The following MBP variants were observed in gnomAD, a reference collection of about 807,000 sequenced individuals.
MBP encodes the protein myelin basic protein.
Under a neutral mutation model 35.8 loss-of-function variants are expected in MBP, and 16 were observed. The ratio of observed to expected loss-of-function variants is 0.45; its 90% CI spans 0.30 to 0.68. The LOEUF (loss-of-function observed/expected upper bound fraction) is 0.68. MBP is among the 30% of genes least tolerant of loss of function. MBP has a pLI of 0.08. For synonymous variants in MBP, 143 were observed against 159.6 expected, an observed-to-expected ratio of 0.90 and a Z score of 0.78; for missense variants, 380 against 404.7, an observed-to-expected ratio of 0.94 and a Z score of 0.52.
intron 2 of MBP, among the ~76,000 whole-genome samples, chr18:77,076,579 G>A (rs1445525981): frequency 6.6e-6 from 1 of 152,226 alleles, no homozygotes; most frequent in Non-Finnish European, 1.5e-5. Flanking sequence ...TCAGTGCTGA[G>A]GTTTGGAATC....
At chr18:77,033,757 CCCATCCATCCATCCATCCAT>C (rs145059208) in intron 3 of MBP, among the ~76,000 whole-genome samples, 1 of 120,482 alleles carries the variant, frequency 8.3e-6, no homozygotes, top group African/African-American at 3.7e-5. Flanking sequence ...CATCAATCCA[CCCATCCATCCATCCATCCAT>C]CCATCCATCC....
chr18:77,054,425 A>G (rs929596745), intron 3 of MBP, among the ~76,000 whole-genome samples: 8 of 152,190 alleles, frequency 5.3e-5, no homozygotes, highest in Non-Finnish European at 8.8e-5. Context: ...GAGGGGCCGC[A>G]GGAGATGTGG....
chr18:77,119,151 G>T (rs1976808373), intron 1 of MBP, among the ~76,000 whole-genome samples: 1 of 152,186 alleles, frequency 6.6e-6, no homozygotes, highest in South Asian at 2.1e-4. Context: ...TGTAGTGGAG[G>T]TGTCACTTGC....
chr18:77,028,791 G>A (rs1327190190), intron 3 of MBP, among the ~76,000 whole-genome samples: 1 of 94,180 alleles, frequency 1.1e-5, no homozygotes, highest in African/African-American at 3.0e-5. Flanking sequence ...GCTGCTGGGC[G>A]GAGGGACTCC....
intron 2 of MBP, among the ~76,000 whole-genome samples, chr18:77,099,314 C>G (rs1975903325): frequency 6.6e-6 from 1 of 152,316 alleles, no homozygotes; most frequent in East Asian, 1.9e-4. Flanking sequence ...GTCCCAGCCA[C>G]GTGTGGCCAC....
At chr18:77,104,298 T>C (rs931571466) in intron 2 of MBP, among the ~76,000 whole-genome samples, 3 of 152,202 alleles carry the variant, frequency 2.0e-5, no homozygotes, top group Non-Finnish European at 2.9e-5. Flanking sequence ...CACGTCTGCA[T>C]TGGGATCTAA....
At chr18:77,007,648 A>C (rs35192115) in intron 4 of MBP, among the ~76,000 whole-genome samples, 39,891 of 152,018 alleles carry the variant, frequency 0.26, 6,155 homozygotes, top group Middle Eastern at 0.37. Flanking sequence ...CCCCACACAA[A>C]CACACACGCA....
intron 7 of MBP, chr18:76,986,341 T>C (rs1328907333): frequency 2.0e-6 from 2 of 985,430 alleles, no homozygotes; most frequent in Non-Finnish European, 2.4e-6. Context: ...TAAAGTGTTT[T>C]AGGACAGGGA....
chr18:77,080,342 C>A (rs190524768), intron 2 of MBP, among the ~76,000 whole-genome samples: 1 of 152,252 alleles, frequency 6.6e-6, no homozygotes, highest in Admixed American at 6.5e-5. Context: ...AGGATGCGGA[C>A]GGTAAGGCTT....
chr18:77,017,890 A>G (rs1454808304), intron 3 of MBP: 1 of 152,206 alleles, frequency 6.6e-6, no homozygotes, highest in East Asian at 1.9e-4. Context: ...CTGAAGTGGG[A>G]TTGAGATATT....
intron 4 of MBP, among the ~76,000 whole-genome samples, chr18:77,011,341 C>A (rs1480015665): frequency 1.3e-5 from 2 of 152,176 alleles, no homozygotes; most frequent in Non-Finnish European, 2.9e-5. Context: ...TGTCCATGAG[C>A]GTGAGCAAGT....
chr18:77,029,366 G>C (rs1972443323), intron 3 of MBP, among the ~76,000 whole-genome samples: 1 of 147,462 alleles, frequency 6.8e-6, no homozygotes, highest in Admixed American at 6.8e-5. Context: ...CAGCAGTACA[G>C]TCCAGCTTCG....
intron 3 of MBP, among the ~76,000 whole-genome samples, chr18:77,060,082 G>A (rs1047819547): frequency 8.5e-5 from 13 of 152,140 alleles, no homozygotes; most frequent in African/African-American, 2.9e-4. Context: ...TGAGGCCCTC[G>A]TTCCATGTCC....
intron 4 of MBP, among the ~76,000 whole-genome samples, chr18:76,997,787 A>G (rs536142853): frequency 1.3e-5 from 2 of 150,182 alleles, no homozygotes; most frequent in Non-Finnish European, 3.0e-5. Flanking sequence ...GGTTCACGCC[A>G]CTCTCCTGCC....
chr18:77,066,600 T>C (rs376815209), intron 2 of MBP: 1 of 748,606 alleles, frequency 1.3e-6, no homozygotes, highest in Non-Finnish European at 2.5e-6. Context: ...CCTAAGCACT[T>C]TCTGGACCCA....
In MBP at chr18:76,990,047, G is replaced by C. The variant is rs779499347; in HGVS notation, c.590C>G (p.Pro197Arg). 6.2e-7 allele frequency: 1 copy of C among 1,612,014 alleles called. No homozygotes were observed. The highest frequency in any genetic ancestry group is 8.5e-7 in the Non-Finnish European group (1 of 1,179,210). Reference protein sequence around the residue: ...KRGSGKDSHHPARTAHYGSLP... With the variant: ...KRGSGKDSHHRARTAHYGSLP... ...GGAGCCGTAGTGAGCAGTTCTTGCCGGGTGGTGTGAGTCCTGAAACACAGA... is the reference window on the plus strand; with the variant it reads ...GGAGCCGTAGTGAGCAGTTCTTGCCCGGTGGTGTGAGTCCTGAAACACAGA... The change falls in exon 5 of 9, where the codon CCG (proline) becomes CGG (arginine). Residue 197 changes from proline (P) to arginine (R), a missense_variant. Coordinates refer to ENST00000355994, the MANE Select transcript of MBP (RefSeq NM_001025101.2).
Position 76,988,307 on chromosome 18 carries a change from A to G in MBP, c.750+188T>C. ...AGAAGCAAGAGACCAGACCTTCCGG[A>G]AGGGAAGACCACGTTTCATTTCCCC... On this transcript the variant is annotated intron_variant, in intron 7 of 8. Transcript: ENST00000355994. The surrounding 1 kb of genome is among the most constrained non-coding windows in gnomAD (Gnocchi z 5.2). 3 of 1,563,734 alleles carry G rather than the reference A, an allele frequency of 1.9e-6. No individual in the cohort carries two copies. The highest frequency in any genetic ancestry group is 1.7e-6 in the Non-Finnish European group (2 of 1,153,870).
At chr18:76,987,708 G>A in intron 7 of MBP, 4 of 995,034 alleles carry the variant, frequency 4.0e-6, no homozygotes, top group Non-Finnish European at 4.8e-6. Context: ...ATACGTTGGT[G>A]GTTATTCCTC....
At chr18:76,990,106 T>A in intron 4 of MBP, 46 bp from the exon 5 acceptor site, 1 of 1,317,186 alleles carries the variant, frequency 7.6e-7, no homozygotes, top group Non-Finnish European at 1.1e-6. Flanking sequence ...CCACAGTCCC[T>A]GCGGCTTGTC....
Sources: gnomAD v4.1 joint callset for allele counts (sites outside exome capture counted in the v4.1 genomes callset) on GRCh38, gnomAD v4.1.1 for gene constraint, Gnocchi (gnomAD v3.1) non-coding constraint, MANE v1.5 for transcripts, NCBI Gene and HGNC (gene_info 2026-07-23, HGNC 2026-07-21) for gene names.